The following RHBDD1 variants were observed in gnomAD, a reference collection of about 807,000 sequenced individuals.
RHBDD1 encodes rhomboid domain containing 1, also known as rhomboid-related protein 4.
Under a neutral mutation model 36.3 loss-of-function variants are expected in RHBDD1, and 38 were observed. The observed-to-expected ratio is 1.05, with a 90% CI of 0.81 to 1.37. The LOEUF is 1.37. Ranked by LOEUF, RHBDD1 falls within the 40% of genes most tolerant of loss-of-function variation. The pLI, the probability that RHBDD1 is intolerant of heterozygous loss-of-function variation, is 0.00. For missense variants in RHBDD1, 393 were observed against 377.6 expected (o/e 1.04, Z -0.34); for synonymous variants, 151 against 136.5 (o/e 1.11, Z -0.74).
intron 8 of RHBDD1, among the ~76,000 whole-genome samples, chr2:226,941,771 G>T (rs1266218657): frequency 6.6e-6 from 1 of 152,118 alleles, no homozygotes; most frequent in Non-Finnish European, 1.5e-5. Context: ...TCGCATTTGG[G>T]TTATATCCAT....
intron 8 of RHBDD1, among the ~76,000 whole-genome samples, chr2:226,943,186 C>T (rs1294223197): frequency 6.6e-6 from 1 of 152,136 alleles, no homozygotes; most frequent in East Asian, 1.9e-4. Flanking sequence ...ATGTGAGAGT[C>T]ACGTATTTGT....
chr2:226,834,938 G>C (rs892242744), upstream of RHBDD1, among the ~76,000 whole-genome samples: 1 of 152,128 alleles, frequency 6.6e-6, no homozygotes, highest in African/African-American at 2.4e-5. Context: ...ACCATGCCTG[G>C]CTAATTTTTG....
At chr2:226,805,397 G>A in the RHBDD1 span, among the ~76,000 whole-genome samples, 2 of 152,276 alleles carry the variant, frequency 1.3e-5, no homozygotes, top group Admixed American at 1.3e-4. Flanking sequence ...ATTTTTAGTA[G>A]ATACGGAGTT....
At chr2:226,976,768 C>CGATA (rs1954663964) in intron 8 of RHBDD1, among the ~76,000 whole-genome samples, 1 of 152,138 alleles carries the variant, frequency 6.6e-6, no homozygotes. Context: ...TTGGGCCTAT[C>CGATA]GGGTAGGTGT....
Position 226,904,420 on chromosome 2 carries a change from G to GC in RHBDD1, c.567-2373_567-2372insC, listed in dbSNP as rs747439885. ...CTGTGGCACATCCTGCAAGCGGGGG[G>GC]GGAGGGGGGTCAGGGAACTCCTGTT... On this transcript the variant is annotated intron_variant, in intron 5 of 8. Transcript: ENST00000392062. Among the ~76,000 whole-genome samples the GC allele has an allele frequency of 1.3e-4, 20 of 149,078 alleles. 2 individuals carry two copies. Among genetic ancestry groups the GC allele is most frequent in the South Asian group, 2.2e-4 (1 of 4,508 alleles).
chr2:226,898,720 A>AT (rs1947334049), intron 5 of RHBDD1, among the ~76,000 whole-genome samples: 1 of 152,184 alleles, frequency 6.6e-6, no homozygotes, highest in Non-Finnish European at 1.5e-5. Context: ...AACCTGAAAA[A>AT]TTTGTATTAC....
chr2:226,851,414 C>G (rs1174774256), intron 3 of RHBDD1, among the ~76,000 whole-genome samples: 1 of 151,874 alleles, frequency 6.6e-6, no homozygotes, highest in African/African-American at 2.4e-5. Flanking sequence ...CCTAAAGAAA[C>G]CAGTTGTTCA....
chr2:226,822,263 T>G, the RHBDD1 span, among the ~76,000 whole-genome samples: 1 of 152,222 alleles, frequency 6.6e-6, no homozygotes, highest in Non-Finnish European at 1.5e-5. Flanking sequence ...ATTTGAGAAA[T>G]TAATTTTACA....
chr2:226,887,951 C>T lies in RHBDD1; in HGVS notation c.567-18842C>T, dbSNP rs149958231. On this transcript the variant is annotated intron_variant, in intron 5 of 8. Transcript: ENST00000392062. ...AACCTTAAAGTCATTTAAACAGATA[C>T]AACACGTATGCAGATGGTGAAGTAG... Among the ~76,000 whole-genome samples the T allele has an allele frequency of 2.6e-3, 398 of 152,312 alleles. 5 individuals carry two copies. The highest frequency in any genetic ancestry group is 8.9e-3 in the African/African-American group (371 of 41,566).
intron 5 of RHBDD1, among the ~76,000 whole-genome samples, chr2:226,880,183 GAATGATACCCTGT>G (rs1945594092): frequency 3.9e-5 from 6 of 152,108 alleles, no homozygotes; most frequent in Non-Finnish European, 7.3e-5. Context: ...AGTGTATATA[GAATGATACCCTGT>G]TTCATTTCAT....
chr2:226,967,007 C>T (rs1952689005), intron 8 of RHBDD1, among the ~76,000 whole-genome samples: 1 of 151,948 alleles, frequency 6.6e-6, no homozygotes, highest in Admixed American at 6.6e-5. Flanking sequence ...TTGCTGGGTC[C>T]CACTCTCAGA....
chr2:226,972,759 G>T (rs889078587), intron 8 of RHBDD1, among the ~76,000 whole-genome samples: 1 of 152,086 alleles, frequency 6.6e-6, no homozygotes, highest in Non-Finnish European at 1.5e-5. Context: ...CTCACACTCG[G>T]CCAAGCTCTT....
intron 8 of RHBDD1, among the ~76,000 whole-genome samples, chr2:226,946,356 G>T (rs1950993608): frequency 6.6e-6 from 1 of 152,120 alleles, no homozygotes; most frequent in Non-Finnish European, 1.5e-5. Context: ...GATGGTTGTA[G>T]ATGTGTGGTG....
chr2:226,803,016 C>T, the RHBDD1 span, among the ~76,000 whole-genome samples: 1 of 152,194 alleles, frequency 6.6e-6, no homozygotes, highest in African/African-American at 2.4e-5. Context: ...TTATAAAACA[C>T]TTTTTGTATC....
At chr2:226,887,038 A>G (rs886678942) in intron 5 of RHBDD1, among the ~76,000 whole-genome samples, 1 of 152,182 alleles carries the variant, frequency 6.6e-6, no homozygotes, top group Non-Finnish European at 1.5e-5. Context: ...TAAGAAAATT[A>G]GAAAAAATAC....
At chr2:226,863,843 G>A (rs190684601) in intron 3 of RHBDD1, among the ~76,000 whole-genome samples, 172 of 152,282 alleles carry the variant, frequency 1.1e-3, no homozygotes, top group African/African-American at 4.0e-3. Flanking sequence ...GTAAGCCATG[G>A]AACTTCTCAT....
intron 8 of RHBDD1, among the ~76,000 whole-genome samples, chr2:226,933,990 A>G (rs1203622218): frequency 6.6e-6 from 1 of 152,090 alleles, no homozygotes; most frequent in African/African-American, 2.4e-5. Context: ...AGTTAATGTA[A>G]TAGTTACCAA....
intron 8 of RHBDD1, among the ~76,000 whole-genome samples, chr2:226,925,429 T>C (rs888000644): frequency 6.6e-6 from 1 of 152,180 alleles, no homozygotes; most frequent in Non-Finnish European, 1.5e-5. Context: ...AAAAATTTAG[T>C]GGCATGAAAA....
chr2:226,890,867 C>T (rs1394891263), intron 5 of RHBDD1, among the ~76,000 whole-genome samples: 1 of 151,942 alleles, frequency 6.6e-6, no homozygotes, highest in Non-Finnish European at 1.5e-5. Context: ...CAAACCTGAT[C>T]AAAGAAAAGG....
Sources: allele counts gnomAD v4.1 joint callset (sites outside exome capture counted in the v4.1 genomes callset), GRCh38; gene constraint gnomAD v4.1.1; transcripts MANE v1.5; gene names NCBI Gene and HGNC (gene_info 2026-07-23, HGNC 2026-07-21).